Variants in GLRA1 observed in about 807,000 individuals in gnomAD.
GLRA1 encodes glycine receptor subunit alpha-1.
Under a neutral mutation model 48.3 loss-of-function variants are expected in GLRA1, and 37 were observed. The ratio of observed to expected loss-of-function variants is 0.77; its 90% confidence interval spans 0.59 to 1.01. GLRA1 has a LOEUF of 1.01. GLRA1 is among the 50% of genes least tolerant of loss of function. GLRA1 has a pLI of 0.00. For synonymous variants in GLRA1, 196 were observed against 210.7 expected (o/e 0.93, Z 0.60); for missense variants, 427 against 571.0 (o/e 0.75, Z 2.57).
At chr5:151,826,685 A>C (rs1291247326) in intron 8 of GLRA1, among the ~76,000 whole-genome samples, 1 of 152,220 alleles carries the variant, frequency 6.6e-6, no homozygotes. Context: ...TTCACACTTT[A>C]TCTGGCCAGA....
chr5:151,920,376 C>T (rs1754844309), intron 1 of GLRA1, among the ~76,000 whole-genome samples: 1 of 152,112 alleles, frequency 6.6e-6, no homozygotes, highest in Non-Finnish European at 1.5e-5. Context: ...AAATTATAGC[C>T]CAACTTCTCT....
chr5:151,854,228 G>C (rs1411492479), intron 6 of GLRA1, among the ~76,000 whole-genome samples: 1 of 152,228 alleles, frequency 6.6e-6, no homozygotes, highest in African/African-American at 2.4e-5. Flanking sequence ...AGGTGACTCA[G>C]AAAGAGGCAG....
At chr5:151,828,409 TTATTCAATCCCTCATATG>T (rs1404677129) in intron 8 of GLRA1, among the ~76,000 whole-genome samples, 2 of 152,142 alleles carry the variant, frequency 1.3e-5, no homozygotes, top group African/African-American at 2.4e-5. Context: ...AAATATTCCT[TTATTCAATCCCTCATATG>T]GAGAGAGAAC....
At chr5:151,906,441 A>T (rs1200766123) in intron 1 of GLRA1, among the ~76,000 whole-genome samples, 1 of 152,178 alleles carries the variant, frequency 6.6e-6, no homozygotes, top group Non-Finnish European at 1.5e-5. Flanking sequence ...TAGGTCCTGC[A>T]TTTTAAGAGG....
chr5:151,841,093 A>G (rs1228077747), intron 7 of GLRA1, among the ~76,000 whole-genome samples: 1 of 152,118 alleles, frequency 6.6e-6, no homozygotes, highest in East Asian at 1.9e-4. Flanking sequence ...TCTGAAGTGC[A>G]CCATGGAGTA....
intron 7 of GLRA1, among the ~76,000 whole-genome samples, chr5:151,831,433 A>G (rs966222016): frequency 1.3e-5 from 2 of 152,198 alleles, no homozygotes; most frequent in Non-Finnish European, 2.9e-5. Context: ...AGCAGTCTGA[A>G]GTTGACCTGG....
intron 7 of GLRA1, among the ~76,000 whole-genome samples, chr5:151,838,055 A>C (rs546101479): frequency 6.6e-6 from 1 of 152,332 alleles, no homozygotes; most frequent in East Asian, 1.9e-4. Flanking sequence ...GTCCCTGAGG[A>C]AGCCCAGATG....
chr5:151,841,541 T>C (rs554418901), intron 7 of GLRA1, among the ~76,000 whole-genome samples: 2 of 152,174 alleles, frequency 1.3e-5, no homozygotes, highest in African/African-American at 2.4e-5. Context: ...TGAAACCAAA[T>C]GTTGATTCTT....
intron 2 of GLRA1, among the ~76,000 whole-genome samples, chr5:151,890,570 A>G (rs1754039733): frequency 6.6e-6 from 1 of 152,324 alleles, no homozygotes; most frequent in East Asian, 1.9e-4. Flanking sequence ...AATTTGCAAG[A>G]TTTCAGATAA....
intron 1 of GLRA1, among the ~76,000 whole-genome samples, chr5:151,917,917 CA>C (rs953164295): frequency 1.5e-4 from 23 of 152,182 alleles, no homozygotes; most frequent in African/African-American, 5.6e-4. Flanking sequence ...GCATGCTGCT[CA>C]GGGCTGCTGC....
intron 1 of GLRA1, among the ~76,000 whole-genome samples, chr5:151,903,122 A>G (rs1159627710): frequency 1.3e-5 from 2 of 152,198 alleles, no homozygotes; most frequent in African/African-American, 4.8e-5. Context: ...CATCAGCAAA[A>G]CTATAGTATT....
intron 3 of GLRA1, among the ~76,000 whole-genome samples, chr5:151,866,088 C>CT (rs551739863): frequency 2.6e-5 from 4 of 152,206 alleles, no homozygotes; most frequent in Non-Finnish European, 5.9e-5. Context: ...GGTTCCACCT[C>CT]TGAGAGCTGG....
intron 1 of GLRA1, among the ~76,000 whole-genome samples, chr5:151,913,923 A>C (rs1754677874): frequency 6.6e-6 from 1 of 152,204 alleles, no homozygotes; most frequent in Non-Finnish European, 1.5e-5. Flanking sequence ...TTTTGTTATT[A>C]TTATGTTATT....
At chr5:151,848,841 A>G (rs1472386973) in intron 7 of GLRA1, 4 of 549,994 alleles carry the variant, frequency 7.3e-6, no homozygotes, top group South Asian at 1.8e-5. Flanking sequence ...CTCATGGCCT[A>G]CCTTTACCCG....
intron 1 of GLRA1, among the ~76,000 whole-genome samples, chr5:151,920,320 A>G (rs1038680757): frequency 1.3e-5 from 2 of 152,166 alleles, no homozygotes; most frequent in Non-Finnish European, 2.9e-5. Flanking sequence ...TGTTATGCCC[A>G]TGCTATGGGA....
intron 7 of GLRA1, among the ~76,000 whole-genome samples, chr5:151,832,108 A>C (rs1001011401): frequency 2.6e-5 from 4 of 152,236 alleles, no homozygotes; most frequent in Non-Finnish European, 2.9e-5. Flanking sequence ...CGTCAAAATC[A>C]ACAAAAAGGA....
chr5:151,882,905 G>A (rs1174891696), intron 3 of GLRA1, among the ~76,000 whole-genome samples: 1 of 152,014 alleles, frequency 6.6e-6, no homozygotes, highest in African/African-American at 2.4e-5. Flanking sequence ...ACATATAGCA[G>A]TTTATCAAAT....
chr5:151,869,883 C>G (rs1007370121), intron 3 of GLRA1, among the ~76,000 whole-genome samples: 2 of 149,484 alleles, frequency 1.3e-5, no homozygotes, highest in African/African-American at 5.1e-5. Context: ...CTAGTAGGTG[C>G]TAGGAACAGA....
chr5:151,833,955 A>T (rs1333508386), intron 7 of GLRA1, among the ~76,000 whole-genome samples: 1 of 152,208 alleles, frequency 6.6e-6, no homozygotes, highest in Non-Finnish European at 1.5e-5. Flanking sequence ...TATGCACCCC[A>T]TATACACCCA....
Sources: allele counts gnomAD v4.1 joint callset (sites outside exome capture counted in the v4.1 genomes callset), GRCh38; gene constraint gnomAD v4.1.1; transcripts MANE v1.5; gene names NCBI Gene and HGNC (gene_info 2026-07-23, HGNC 2026-07-21).